Variants in FNDC3A observed in about 807,000 individuals in gnomAD.
FNDC3A encodes the protein fibronectin type III domain containing 3A.
In FNDC3A, 32 loss-of-function variants were observed where a neutral mutation model predicts 148.9. That is an observed-to-expected ratio of 0.21 (90% CI 0.16 to 0.29). The LOEUF (loss-of-function observed/expected upper bound fraction) is 0.29. FNDC3A is among the 10% of genes least tolerant of loss of function. FNDC3A has a pLI of 1.00. For synonymous variants in FNDC3A, 472 were observed against 473.6 expected, an observed-to-expected ratio of 1.00 and a Z score of 0.04; for missense variants, 1,191 against 1,452.8, an observed-to-expected ratio of 0.82 and a Z score of 2.93.
Position 49,196,786 on chromosome 13 carries a change from TTA to T in FNDC3A, c.2227-89_2227-88del, listed in dbSNP as rs1886177093. ...AATCTTGAAACACAGGGAAAAGACTTTATTAATGAATCTTTAAATATGCAGTT... is the reference window on the plus strand; with the variant it reads ...AATCTTGAAACACAGGGAAAAGACTTTTAATGAATCTTTAAATATGCAGTT... On this transcript the variant is annotated intron_variant, in intron 19 of 25. Transcript: ENST00000492622. 3 of 587,666 alleles carry T rather than the reference TTA, an allele frequency of 5.1e-6. No homozygotes were observed. The South Asian group carries it at 8.7e-5, about 17-fold the overall frequency. The allele number at this position is 587,666 out of a possible 1,614,324, so 36.4% of individuals were successfully genotyped here. A position where few individuals can be genotyped will look rare whatever the true frequency, so the allele number is the denominator to read the frequency against.
intron 2 of FNDC3A, among the ~76,000 whole-genome samples, chr13:49,064,820 A>G (rs1260733740): frequency 6.6e-6 from 1 of 152,214 alleles, no homozygotes; most frequent in Non-Finnish European, 1.5e-5. Flanking sequence ...CATAACATAC[A>G]GGGTTTGGGA....
chr13:49,119,716 A>T (rs1379998442), intron 4 of FNDC3A, among the ~76,000 whole-genome samples: 1 of 151,866 alleles, frequency 6.6e-6, no homozygotes. Flanking sequence ...CAGCCAAATC[A>T]ATCAAGCAGA....
At chr13:49,084,349 T>C (rs1409716146) in intron 3 of FNDC3A, among the ~76,000 whole-genome samples, 1 of 152,216 alleles carries the variant, frequency 6.6e-6, no homozygotes, top group Non-Finnish European at 1.5e-5. Context: ...TGCTAAAATA[T>C]TTTTATTTGT....
At chr13:49,054,322 T>C (rs1876068841) in intron 2 of FNDC3A, among the ~76,000 whole-genome samples, 1 of 152,184 alleles carries the variant, frequency 6.6e-6, no homozygotes, top group Non-Finnish European at 1.5e-5. Flanking sequence ...ACATAATTCA[T>C]TTCCATTAAA....
chr13:49,006,074 T>TG (rs1455973987), intron 1 of FNDC3A, 78 bp from the exon 2 acceptor site: 3 of 506,786 alleles, frequency 5.9e-6, no homozygotes, highest in Non-Finnish European at 1.0e-5. Flanking sequence ...GGTTAAAGAA[T>TG]GAAACATCTT....
chr13:49,187,870 G>A (rs976333510), intron 16 of FNDC3A, among the ~76,000 whole-genome samples: 2 of 151,554 alleles, frequency 1.3e-5, no homozygotes, highest in Non-Finnish European at 1.5e-5. Context: ...CAACTGTATC[G>A]TTGCATTTAC....
At chr13:49,193,490 G>A (rs901211471) in intron 19 of FNDC3A, among the ~76,000 whole-genome samples, 19 of 152,152 alleles carry the variant, frequency 1.2e-4, no homozygotes, top group South Asian at 1.0e-3. Flanking sequence ...TCAAACTCTC[G>A]GGCTCAAGTG....
At chr13:49,168,572 A>G in intron 9 of FNDC3A, 41 bp from the exon 10 acceptor site, 1 of 1,517,922 alleles carries the variant, frequency 6.6e-7, no homozygotes, top group Admixed American at 1.7e-5. Context: ...AACAGGATAC[A>G]GTGATTATGA....
chr13:49,057,313 G>A (rs1876322572), intron 2 of FNDC3A, among the ~76,000 whole-genome samples: 2 of 152,126 alleles, frequency 1.3e-5, no homozygotes, highest in African/African-American at 4.8e-5. Flanking sequence ...GTCTTTAGGG[G>A]AGCTGGATTT....
At chr13:49,067,510 T>C (rs533370413) in intron 2 of FNDC3A, among the ~76,000 whole-genome samples, 1 of 152,316 alleles carries the variant, frequency 6.6e-6, no homozygotes, top group East Asian at 1.9e-4. Context: ...TTAGCCATGA[T>C]TTATTTTATT....
At chr13:48,978,991 T>C (rs1464293996) in intron 1 of FNDC3A, among the ~76,000 whole-genome samples, 3 of 152,202 alleles carry the variant, frequency 2.0e-5, no homozygotes, top group Non-Finnish European at 4.4e-5. Context: ...TTCTTACCTT[T>C]CTGTCTTCCC....
Position 49,154,007 on chromosome 13 carries a change from T to C in FNDC3A, c.977+8072T>C, listed in dbSNP as rs1489807967. ...GGATTGACTTGGCGATGCGGGCTCT[T>C]TTTTGGTTCCATATGAACTTTAAAG... On this transcript the variant is annotated intron_variant, in intron 8 of 25. Transcript: ENST00000492622. 4.7e-4 allele frequency among the ~76,000 whole-genome samples: 59 copies of C among 125,734 alleles called. No homozygotes were observed. The East Asian group carries it at 0.012, about 26-fold the overall frequency. 82.5% of individuals were successfully genotyped at this position (125,734 alleles called of 152,430 possible). A position where few individuals can be genotyped will look rare whatever the true frequency, so the allele number is the denominator to read the frequency against.
At chr13:49,129,399 T>C (rs1376638731) in intron 4 of FNDC3A, among the ~76,000 whole-genome samples, 1 of 152,240 alleles carries the variant, frequency 6.6e-6, no homozygotes, top group Non-Finnish European at 1.5e-5. Flanking sequence ...TGAATGAATA[T>C]GAAGTACAAG....
chr13:49,082,163 A>T (rs539633316), intron 3 of FNDC3A, among the ~76,000 whole-genome samples: 1 of 152,214 alleles, frequency 6.6e-6, no homozygotes, highest in South Asian at 2.1e-4. Flanking sequence ...GGTGGGGCGG[A>T]TCACCTGTGG....
At chr13:49,055,290 T>A (rs140581911) in intron 2 of FNDC3A, among the ~76,000 whole-genome samples, 260 of 152,214 alleles carry the variant, frequency 1.7e-3, no homozygotes, top group African/African-American at 6.1e-3. Flanking sequence ...TTTGTAGAGA[T>A]GGGGCCTTGC....
chr13:49,137,905 A>G (rs561282041), intron 6 of FNDC3A, among the ~76,000 whole-genome samples: 1 of 152,334 alleles, frequency 6.6e-6, no homozygotes, highest in Admixed American at 6.5e-5. Flanking sequence ...ATGGTAGACC[A>G]TGTCAGGTTC....
chr13:49,119,282 G>T (rs112911420), intron 4 of FNDC3A, among the ~76,000 whole-genome samples: 2 of 152,104 alleles, frequency 1.3e-5, no homozygotes, highest in Non-Finnish European at 2.9e-5. Context: ...TAGAAGGAAA[G>T]TAAAAGAAAG....
intron 2 of FNDC3A, among the ~76,000 whole-genome samples, chr13:49,047,446 G>A (rs1423239504): frequency 1.3e-5 from 2 of 151,850 alleles, no homozygotes; most frequent in East Asian, 1.9e-4. Context: ...CACCAACAGT[G>A]TAAAAGCATC....
chr13:49,171,715 C>T (rs529313799), intron 10 of FNDC3A, among the ~76,000 whole-genome samples: 1 of 152,212 alleles, frequency 6.6e-6, no homozygotes, highest in Admixed American at 6.5e-5. Flanking sequence ...ATGACAGGAT[C>T]AATCCTACAA....
Sources: allele counts gnomAD v4.1 joint callset (sites outside exome capture counted in the v4.1 genomes callset), GRCh38; gene constraint gnomAD v4.1.1; transcripts MANE v1.5; gene names NCBI Gene and HGNC (gene_info 2026-07-23, HGNC 2026-07-21).